Variants in TEX11 observed in about 807,000 individuals in gnomAD.
The protein encoded by TEX11 is testis-expressed protein 11.
Under a neutral mutation model 84.4 loss-of-function variants are expected in TEX11, and 7 were observed. The ratio of observed to expected loss-of-function variants is 0.08; its 90% CI spans 0.05 to 0.16. The LOEUF is 0.16. Among genes scored for constraint, TEX11 ranks in the 10% least tolerant of loss-of-function variants. The pLI is 1.00. For synonymous variants in TEX11, 264 were observed against 222.8 expected (o/e 1.18, Z -1.64); for missense variants, 551 against 660.5 (o/e 0.83, Z 1.82).
intron 2 of TEX11, among the ~76,000 whole-genome samples, chrX:70,907,502 G>A (rs771100841): frequency 6.7e-4 from 74 of 111,257 alleles, no homozygotes; most frequent in African/African-American, 2.4e-3. Flanking sequence ...TGCCTCCCAG[G>A]TTCAAGCGAT....
At chrX:70,883,006 C>T (rs984119097) in intron 2 of TEX11, among the ~76,000 whole-genome samples, 9 of 112,203 alleles carry the variant, frequency 8.0e-5, no homozygotes, top group African/African-American at 2.9e-4. Flanking sequence ...GCAATGACAG[C>T]ATTGCAGTCC....
At chrX:70,576,621 T>C in intron 25 of TEX11, among the ~76,000 whole-genome samples, 1 of 112,238 alleles carries the variant, frequency 8.9e-6, no homozygotes, top group Non-Finnish European at 1.9e-5. Context: ...TTCATAAATA[T>C]ATATACATAT....
intron 20 of TEX11, among the ~76,000 whole-genome samples, chrX:70,623,648 A>G (rs1302495807): frequency 8.9e-6 from 1 of 112,153 alleles, no homozygotes; most frequent in Non-Finnish European, 1.9e-5. Context: ...TGCAGATCAC[A>G]TAAGTCTTTT....
At chrX:70,695,645 T>TA (rs1291709280) in intron 13 of TEX11, among the ~76,000 whole-genome samples, 2 of 112,151 alleles carry the variant, frequency 1.8e-5, no homozygotes, top group Admixed American at 9.5e-5. Flanking sequence ...AAAGCTGTTT[T>TA]AAAAAACAAC....
rs375369610 is a variant in TEX11, at chrX:70,786,906, G to A, written c.692+19799C>T. On this transcript the variant is annotated intron_variant, in intron 9 of 29. Coordinates refer to ENST00000374333, the MANE Select transcript of TEX11 (RefSeq NM_031276.3). ...TCCCAGCACCGTGGGAGGCCAAAGC[G>A]GGCGGATTGCCTGAGGTCAGGAGTT... Among the ~76,000 whole-genome samples the A allele has an allele frequency of 6.3e-5, 7 of 111,703 alleles. No homozygotes were observed. In the East Asian group the frequency reaches 8.5e-4, roughly 14 times the overall value.
intron 16 of TEX11, among the ~76,000 whole-genome samples, chrX:70,661,708 G>C (rs1402569844): frequency 9.0e-6 from 1 of 111,403 alleles, no homozygotes; most frequent in Non-Finnish European, 1.9e-5. Context: ...AGCAACATTT[G>C]CCTGATATCC....
chrX:70,804,680 T>C (rs2091207731), intron 9 of TEX11, among the ~76,000 whole-genome samples: 1 of 111,964 alleles, frequency 8.9e-6, no homozygotes, highest in African/African-American at 3.2e-5. Context: ...TCAGATTATA[T>C]TCCTACAAAT....
intron 11 of TEX11, among the ~76,000 whole-genome samples, chrX:70,738,415 G>A (rs1343314290): frequency 4.5e-5 from 5 of 112,188 alleles, no homozygotes; most frequent in African/African-American, 3.2e-5. Flanking sequence ...TCTCACGACA[G>A]TTAAAATGAC....
chrX:70,850,397 T>C (rs939226228), intron 7 of TEX11, among the ~76,000 whole-genome samples: 3 of 111,072 alleles, frequency 2.7e-5, no homozygotes, highest in Non-Finnish European at 5.7e-5. Flanking sequence ...CTAGCTTTTT[T>C]TGCAGTTACG....
At chrX:70,776,434 A>G (rs1001224338) in intron 9 of TEX11, among the ~76,000 whole-genome samples, 1 of 109,501 alleles carries the variant, frequency 9.1e-6, no homozygotes, top group African/African-American at 3.3e-5. Flanking sequence ...GTGGTGGTGC[A>G]CGCCTGTGGT....
rs1002239426 is a variant in TEX11, at chrX:70,679,023, C to T, written c.1157-134G>A. On this transcript the variant is annotated intron_variant, in intron 14 of 29. Transcript: ENST00000374333. ...GTCTCCCTCTGATGCCGAGCTGAAG[C>T]TGGACGGTACTGCTGCCTGATTCTC... The T allele has an allele frequency of 2.6e-4, 132 of 501,448 alleles. No homozygotes were observed. The African/African-American group carries it at 2.7e-3, about 10-fold the overall frequency. 41.3% of individuals were successfully genotyped at this position (501,448 alleles called of 1,213,427 possible).
At chrX:70,675,431 C>T (rs1381807223) in intron 15 of TEX11, among the ~76,000 whole-genome samples, 1 of 111,670 alleles carries the variant, frequency 9.0e-6, no homozygotes, top group African/African-American at 3.3e-5. Context: ...ATTGACTACT[C>T]TGCAACCAAT....
intron 13 of TEX11, among the ~76,000 whole-genome samples, chrX:70,715,193 C>T (rs762761274): frequency 0.014 from 1,421 of 103,180 alleles, 70 homozygotes; most frequent in African/African-American, 0.05. Context: ...CCTTTGTGGG[C>T]AACCCGACCT....
chrX:70,564,055 C>A (rs1201998510), intron 25 of TEX11, among the ~76,000 whole-genome samples: 3 of 111,741 alleles, frequency 2.7e-5, no homozygotes, highest in Non-Finnish European at 5.6e-5. Flanking sequence ...ATGGTGAAAC[C>A]CCATCTCTAC....
chrX:70,743,799 C>T (rs2090749076), intron 10 of TEX11, among the ~76,000 whole-genome samples: 1 of 107,235 alleles, frequency 9.3e-6, no homozygotes, highest in African/African-American at 3.4e-5. Flanking sequence ...TCGCTTGAAC[C>T]TGGGAGGCAG....
At chrX:70,888,283 A>C (rs1569461367) in intron 2 of TEX11, among the ~76,000 whole-genome samples, 2 of 112,839 alleles carry the variant, frequency 1.8e-5, no homozygotes, top group Non-Finnish European at 3.7e-5. Flanking sequence ...TCAGAGAGAT[A>C]ATTCAAAATA....
intron 11 of TEX11, among the ~76,000 whole-genome samples, 164 bp downstream of exon 11, chrX:70,740,537 A>G (rs1443111188): frequency 1.8e-5 from 2 of 111,941 alleles, no homozygotes; most frequent in East Asian, 5.5e-4. Flanking sequence ...GGACACAAAC[A>G]TTCAGATTAT....
At chrX:70,555,549 C>G (rs2088275739) in intron 25 of TEX11, among the ~76,000 whole-genome samples, 1 of 112,037 alleles carries the variant, frequency 8.9e-6, no homozygotes, top group Admixed American at 9.5e-5. Flanking sequence ...CCTTTCCAGT[C>G]AATACCATCC....
At chrX:70,774,174 CAGCACCAGGGCTCGGGTGGGAGTGA>C (rs1365980937) in intron 9 of TEX11, among the ~76,000 whole-genome samples, 4 of 108,968 alleles carry the variant, frequency 3.7e-5, no homozygotes, top group Admixed American at 3.0e-4. Context: ...TGGGGCCCAG[CAGCACCAGGGCTCGGGTGGGAGTGA>C]AGCACAAACT....
Sources: allele counts gnomAD v4.1 joint callset (sites outside exome capture counted in the v4.1 genomes callset), GRCh38; gene constraint gnomAD v4.1.1; transcripts MANE v1.5; gene names NCBI Gene and HGNC (gene_info 2026-07-23, HGNC 2026-07-21).